PCDH15: variants seen among roughly 807,000 people sequenced by gnomAD.
PCDH15 encodes protocadherin-15.
Under a neutral mutation model 178.5 loss-of-function variants are expected in PCDH15, and 129 were observed. That is an observed-to-expected ratio of 0.72 (90% confidence interval 0.63 to 0.84). The LOEUF (loss-of-function observed/expected upper bound fraction) is 0.84. PCDH15 is among the 40% of genes least tolerant of loss of function. The probability of loss-of-function intolerance (pLI) is 0.00; values close to 1 mark genes in which losing one functional copy is unlikely to be tolerated. For missense variants in PCDH15, 2,230 were observed against 2,099.9 expected (o/e 1.06, Z -1.21); for synonymous variants, 800 against 732.0 (o/e 1.09, Z -1.50).
chr10:54,900,606 T>C (rs895189392), intron 2 of PCDH15, among the ~76,000 whole-genome samples: 4 of 152,156 alleles, frequency 2.6e-5, no homozygotes, highest in African/African-American at 7.2e-5. Flanking sequence ...ATTAAAAGCA[T>C]TGCTATGATT....
chr10:55,238,160 T>C (rs1468614308), intron 1 of PCDH15, among the ~76,000 whole-genome samples: 4 of 148,440 alleles, frequency 2.7e-5, no homozygotes, highest in African/African-American at 9.9e-5. Context: ...TTTTTTTTTT[T>C]TTTTTGAGAC....
At chr10:54,427,833 C>T (rs1956482578) in intron 3 of PCDH15, among the ~76,000 whole-genome samples, 1 of 152,088 alleles carries the variant, frequency 6.6e-6, no homozygotes, top group African/African-American at 2.4e-5. Context: ...AATATTTCAG[C>T]ATAAATTCCC....
intron 3 of PCDH15, among the ~76,000 whole-genome samples, chr10:54,438,932 G>A (rs1164675078): frequency 6.6e-6 from 1 of 152,046 alleles, no homozygotes; most frequent in Non-Finnish European, 1.5e-5. Context: ...CTTTACATAA[G>A]AGCACAGGTA....
chr10:55,158,807 A>C (rs1838971447), intron 2 of PCDH15, among the ~76,000 whole-genome samples: 1 of 151,764 alleles, frequency 6.6e-6, no homozygotes, highest in African/African-American at 2.4e-5. Context: ...TGTAATCTCA[A>C]GGGATTGAGC....
intron 1 of PCDH15, among the ~76,000 whole-genome samples, chr10:55,190,790 C>T (rs1839926877): frequency 1.3e-5 from 2 of 151,540 alleles, no homozygotes; most frequent in South Asian, 4.2e-4. Context: ...TGGTAAGATG[C>T]TTAATGGAAC....
intron 2 of PCDH15, among the ~76,000 whole-genome samples, chr10:55,001,794 A>G (rs1839801665): frequency 6.6e-6 from 1 of 152,214 alleles, no homozygotes; most frequent in African/African-American, 2.4e-5. Flanking sequence ...ACTCAGGCAA[A>G]GATGCCACCA....
intron 23 of PCDH15, among the ~76,000 whole-genome samples, chr10:53,956,295 T>C (rs1370259214): frequency 6.6e-6 from 1 of 152,084 alleles, no homozygotes; most frequent in African/African-American, 2.4e-5. Flanking sequence ...GTAATCCAGC[T>C]ATATGCCCGT....
At chr10:53,809,375 T>A (rs778486965) in intron 37 of PCDH15, 1 of 1,613,992 alleles carries the variant, frequency 6.2e-7, no homozygotes, top group South Asian at 1.1e-5. Flanking sequence ...ATTCCTCTTT[T>A]ATCAGCTAAT....
intron 1 of PCDH15, among the ~76,000 whole-genome samples, chr10:55,195,023 ATTTT>A (rs763738202): frequency 1.4e-5 from 2 of 140,500 alleles, no homozygotes; most frequent in Non-Finnish European, 1.6e-5. Flanking sequence ...GAAGAAGAAA[ATTTT>A]TTTTTTTTTT....
intron 2 of PCDH15, among the ~76,000 whole-genome samples, chr10:55,466,892 C>T (rs1839842295): frequency 6.6e-6 from 1 of 152,160 alleles, no homozygotes; most frequent in African/African-American, 2.4e-5. Context: ...TTATATCTGC[C>T]AAGAGAGAAA....
chr10:54,709,680 A>ATG (rs61198105), intron 1 of PCDH15, among the ~76,000 whole-genome samples: 16,778 of 141,084 alleles, frequency 0.12, 1,104 homozygotes, highest in African/African-American at 0.16. Flanking sequence ...TATGGGAGTA[A>ATG]TGTGTGTGTG....
intron 2 of PCDH15, among the ~76,000 whole-genome samples, chr10:55,434,077 CT>C (rs60921527): frequency 4.2e-4 from 38 of 90,814 alleles, no homozygotes; most frequent in Admixed American, 3.2e-3. Flanking sequence ...CTTTTCTTTT[CT>C]TTTTTTTTTT....
chr10:54,666,135 C>T (rs1255869221), intron 1 of PCDH15, among the ~76,000 whole-genome samples: 1 of 151,860 alleles, frequency 6.6e-6, no homozygotes, highest in Admixed American at 6.6e-5. Context: ...AGTGTACTTA[C>T]AGAATGAGTA....
intron 3 of PCDH15, among the ~76,000 whole-genome samples, chr10:54,524,814 C>A (rs2083220534): frequency 6.6e-6 from 1 of 152,148 alleles, no homozygotes; most frequent in Non-Finnish European, 1.5e-5. Flanking sequence ...TGCCCCTTTA[C>A]AACGTAAGCT....
At chr10:54,597,734 C>T (rs77314346) in intron 2 of PCDH15, among the ~76,000 whole-genome samples, 2,320 of 151,982 alleles carry the variant, frequency 0.015, 61 homozygotes, top group African/African-American at 0.054. Flanking sequence ...AGATAGACCA[C>T]TGGTTAAACT....
chr10:55,020,383 C>CAA (rs796225436), intron 2 of PCDH15, among the ~76,000 whole-genome samples: 25 of 135,634 alleles, frequency 1.8e-4, no homozygotes, highest in Admixed American at 4.4e-4. Context: ...AATGAGAATG[C>CAA]AAAAAAAAAA....
chr10:55,432,146 T>C (rs1429448709), intron 2 of PCDH15, among the ~76,000 whole-genome samples: 2 of 150,498 alleles, frequency 1.3e-5, no homozygotes, highest in Non-Finnish European at 3.0e-5. Flanking sequence ...GCTCCTTCAA[T>C]GACTTCATTG....
chr10:55,321,283 A>G (rs1341095658), upstream of PCDH15, among the ~76,000 whole-genome samples: 3 of 152,150 alleles, frequency 2.0e-5, no homozygotes, highest in African/African-American at 7.2e-5. Flanking sequence ...CTTAAATGAC[A>G]CAGACAAACA....
chr10:55,602,096 T>G (rs929984575), intron 2 of PCDH15, among the ~76,000 whole-genome samples: 1 of 151,988 alleles, frequency 6.6e-6, no homozygotes, highest in South Asian at 2.1e-4. Context: ...GGTCAGGGAG[T>G]TCCCTTTCCT....
Sources: allele counts gnomAD v4.1 joint callset (sites outside exome capture counted in the v4.1 genomes callset), GRCh38; gene constraint gnomAD v4.1.1; transcripts MANE v1.5; gene names NCBI Gene and HGNC (gene_info 2026-07-23, HGNC 2026-07-21).